Variants in TMEM117 observed in about 807,000 individuals in gnomAD.
TMEM117 encodes transmembrane protein 117.
In TMEM117, 27 loss-of-function variants were observed where a neutral mutation model predicts 52.4. The ratio of observed to expected loss-of-function variants is 0.51; its 90% CI spans 0.38 to 0.71. TMEM117 has a LOEUF of 0.71. Among genes scored for constraint, TMEM117 ranks in the 30% least tolerant of loss-of-function variants. TMEM117 has a pLI of 0.00. For synonymous variants in TMEM117, 215 were observed against 206.3 expected (o/e 1.04, Z -0.36); for missense variants, 556 against 630.5 (o/e 0.88, Z 1.26).
At chr12:44,340,186 A>G (rs896862087) in intron 6 of TMEM117, among the ~76,000 whole-genome samples, 4 of 152,118 alleles carry the variant, frequency 2.6e-5, no homozygotes, top group African/African-American at 9.7e-5. Context: ...TGAAAAACAA[A>G]TGTTGGATCA....
intron 6 of TMEM117, among the ~76,000 whole-genome samples, chr12:44,324,670 T>C (rs1230457484): frequency 1.3e-5 from 2 of 152,148 alleles, no homozygotes; most frequent in African/African-American, 4.8e-5. Flanking sequence ...ACATAATTCA[T>C]ATATATTTTT....
intron 3 of TMEM117, among the ~76,000 whole-genome samples, chr12:44,078,467 TCCTTGGTGAGTCATTTACAG>T (rs1193916592): frequency 2.6e-5 from 4 of 152,192 alleles, no homozygotes; most frequent in Non-Finnish European, 5.9e-5. Flanking sequence ...AGCTGGTTCA[TCCTTGGTGAGTCATTTACAG>T]CCACGAGTAT....
At chr12:44,134,485 A>T in intron 3 of TMEM117, among the ~76,000 whole-genome samples, 1 of 152,196 alleles carries the variant, frequency 6.6e-6, no homozygotes, top group East Asian at 1.9e-4. Context: ...GAGAGAGGGG[A>T]GTGCTATTCT....
At chr12:44,186,011 A>G (rs1253420666) in intron 4 of TMEM117, among the ~76,000 whole-genome samples, 1 of 152,120 alleles carries the variant, frequency 6.6e-6, no homozygotes, top group Non-Finnish European at 1.5e-5. Flanking sequence ...AAAACATGTA[A>G]TCAGAATGTT....
rs183886107 is a variant in TMEM117, at chr12:44,152,370, A to C, written c.510+8746A>C. On this transcript the variant is annotated intron_variant, in intron 4 of 7. Coordinates refer to ENST00000266534, the MANE Select transcript of TMEM117 (RefSeq NM_032256.3). ...TTTATATATTTATATGTATTATATC[A>C]TATATAAATTTATATATTTATATAT... Among the ~76,000 whole-genome samples the C allele has an allele frequency of 2.2e-3, 245 of 109,444 alleles. 4 individuals are homozygous for C. The East Asian group carries it at 0.037, about 16-fold the overall frequency. 71.8% of individuals were successfully genotyped at this position (109,444 alleles called of 152,430 possible). A position where few individuals can be genotyped will look rare whatever the true frequency, so the allele number is the denominator to read the frequency against.
intron 2 of TMEM117, among the ~76,000 whole-genome samples, chr12:43,916,732 C>T (rs953157801): frequency 6.6e-6 from 1 of 152,136 alleles, no homozygotes; most frequent in African/African-American, 2.4e-5. Context: ...TCTTCAGTTA[C>T]TGGGACTAAA....
chr12:43,796,731 G>GA, the TMEM117 span, among the ~76,000 whole-genome samples: 1 of 152,178 alleles, frequency 6.6e-6, no homozygotes, highest in East Asian at 1.9e-4. Context: ...GTGGAATTAA[G>GA]AAACAGAACT....
chr12:43,967,182 G>A (rs936000624), intron 3 of TMEM117, among the ~76,000 whole-genome samples: 6 of 150,718 alleles, frequency 4.0e-5, no homozygotes, highest in East Asian at 2.0e-4. Flanking sequence ...TTTGGAATGC[G>A]ATGGCGCAGT....
chr12:43,826,877 A>G, the TMEM117 span, among the ~76,000 whole-genome samples: 1 of 152,132 alleles, frequency 6.6e-6, no homozygotes, highest in Non-Finnish European at 1.5e-5. Flanking sequence ...TGCATCTAGA[A>G]TAGTGCCTGG....
At chr12:44,038,823 G>A (rs1210133321) in intron 3 of TMEM117, among the ~76,000 whole-genome samples, 1 of 151,924 alleles carries the variant, frequency 6.6e-6, no homozygotes, top group Non-Finnish European at 1.5e-5. Flanking sequence ...CTTTTTTTCA[G>A]TATGTGTTGT....
At chr12:44,066,251 A>G in intron 3 of TMEM117, among the ~76,000 whole-genome samples, 1 of 152,202 alleles carries the variant, frequency 6.6e-6, no homozygotes, top group East Asian at 1.9e-4. Flanking sequence ...AGGCAACTTT[A>G]GGCCAAACTT....
At chr12:44,123,272 G>A (rs998603949) in intron 3 of TMEM117, among the ~76,000 whole-genome samples, 12 of 150,670 alleles carry the variant, frequency 8.0e-5, no homozygotes, top group African/African-American at 2.7e-4. Context: ...ATTTGTTTAA[G>A]TTACATATTG....
chr12:43,912,436 A>G (rs1214660936), intron 2 of TMEM117, among the ~76,000 whole-genome samples: 2 of 150,832 alleles, frequency 1.3e-5, no homozygotes, highest in East Asian at 3.9e-4. Context: ...AGCATGGCAC[A>G]TGTATACGTA....
intron 5 of TMEM117, among the ~76,000 whole-genome samples, chr12:44,274,568 AG>A (rs1313299082): frequency 1.3e-5 from 2 of 152,188 alleles, no homozygotes; most frequent in Non-Finnish European, 2.9e-5. Flanking sequence ...ATAGAGCTAT[AG>A]TAACCAAAAC....
chr12:44,358,356 GA>G (rs1391744977), intron 6 of TMEM117, among the ~76,000 whole-genome samples: 2 of 152,044 alleles, frequency 1.3e-5, no homozygotes, highest in East Asian at 1.9e-4. Context: ...AAATAAAATT[GA>G]AAAAAATGAA....
chr12:44,206,005 C>A (rs2138382276), intron 4 of TMEM117, among the ~76,000 whole-genome samples: 1 of 152,324 alleles, frequency 6.6e-6, no homozygotes, highest in East Asian at 1.9e-4. Context: ...AAGTGGGAAT[C>A]AGGGGGCTGA....
chr12:43,806,113 CT>C, the TMEM117 span: 1 of 1,524,064 alleles, frequency 6.6e-7, no homozygotes, highest in Non-Finnish European at 8.8e-7. Context: ...GCGAGACCGA[CT>C]TCCGGAGCTC....
At chr12:44,305,131 C>G (rs78928655) in intron 6 of TMEM117, among the ~76,000 whole-genome samples, 1 of 152,126 alleles carries the variant, frequency 6.6e-6, no homozygotes, top group Non-Finnish European at 1.5e-5. Flanking sequence ...CATAAGCTGA[C>G]TAAACAGCCA....
intron 2 of TMEM117, among the ~76,000 whole-genome samples, chr12:43,922,462 T>A (rs1592366155): frequency 6.6e-6 from 1 of 152,188 alleles, no homozygotes; most frequent in Admixed American, 6.5e-5. Context: ...AATGTAAATA[T>A]TTATGTGCTT....
Sources: gnomAD v4.1 joint callset for allele counts (sites outside exome capture counted in the v4.1 genomes callset) on GRCh38, gnomAD v4.1.1 for gene constraint, MANE v1.5 for transcripts, NCBI Gene and HGNC (gene_info 2026-07-23, HGNC 2026-07-21) for gene names.